STAMBPL1: variants seen among roughly 807,000 people sequenced by gnomAD.
STAMBPL1 encodes the protein STAM binding protein like 1.
In STAMBPL1, 44 loss-of-function variants were observed where a neutral mutation model predicts 52.9. The ratio of observed to expected loss-of-function variants is 0.83; its 90% confidence interval spans 0.65 to 1.07. The LOEUF (loss-of-function observed/expected upper bound fraction) is 1.07, where lower values mean the gene tolerates loss of function less well. STAMBPL1 is among the 50% of genes least tolerant of loss of function. The pLI is 0.00. For missense variants in STAMBPL1, 511 were observed against 520.8 expected (o/e 0.98, Z 0.18); for synonymous variants, 164 against 177.3 (o/e 0.92, Z 0.60).
At chr10:88,894,850 T>C (rs1438783680) in intron 1 of STAMBPL1, among the ~76,000 whole-genome samples, 1 of 152,222 alleles carries the variant, frequency 6.6e-6, no homozygotes, top group Non-Finnish European at 1.5e-5. Context: ...AATCTCATAA[T>C]ATTTTATGAT....
intron 3 of STAMBPL1, among the ~76,000 whole-genome samples, chr10:88,908,499 T>C (rs1266694172): frequency 6.6e-6 from 1 of 152,210 alleles, no homozygotes; most frequent in Non-Finnish European, 1.5e-5. Context: ...TTAGCTTTGG[T>C]GCTTAGTTGG....
At chr10:88,920,624 T>C (rs1247022637) in intron 8 of STAMBPL1, among the ~76,000 whole-genome samples, 1 of 152,220 alleles carries the variant, frequency 6.6e-6, no homozygotes, top group African/African-American at 2.4e-5. Context: ...AACACATTTG[T>C]ATATAGCCAG....
chr10:88,886,925 C>G (rs1475452122), intron 1 of STAMBPL1, among the ~76,000 whole-genome samples: 1 of 152,206 alleles, frequency 6.6e-6, no homozygotes, highest in African/African-American at 2.4e-5. Context: ...CCCTGTGATT[C>G]TATTTATCCT....
intron 1 of STAMBPL1, among the ~76,000 whole-genome samples, chr10:88,890,637 G>GGA (rs1231434410): frequency 1.3e-5 from 2 of 152,240 alleles, no homozygotes; most frequent in African/African-American, 4.8e-5. Context: ...TACCATCCAT[G>GGA]GAGATGAAAG....
In STAMBPL1 at chr10:88,922,348, T is replaced by C; in HGVS notation, c.1166T>C (p.Phe389Ser). Residue 389 changes from phenylalanine (F) to serine (S), a missense_variant, in exon 10 of 11, where the codon TTC (phenylalanine) becomes TCC (serine). Physicochemically the swap from Phe to Ser is radical, Grantham distance 155 (BLOSUM62 -2). Coordinates refer to ENST00000371926, the MANE Select transcript of STAMBPL1 (RefSeq NM_020799.4). ...GCTCTGAAATTTAGCACTGGCATCT[T>C]CAGGCTCACCAATGCTGGCATGCTT... is the stretch of plus-strand genomic sequence containing the variant. ...CSPKHKDTGI[F>S]RLTNAGMLEV... is the part of the protein sequence containing the mutation. 15 of 1,613,430 alleles carry C rather than the reference T, an allele frequency of 9.3e-6. No individual in the cohort carries two copies. Among genetic ancestry groups the C allele is most frequent in the Non-Finnish European group, 1.3e-5 (15 of 1,179,642 alleles).
intron 1 of STAMBPL1, among the ~76,000 whole-genome samples, chr10:88,884,876 AACTT>A (rs1844492028): frequency 6.6e-6 from 1 of 152,240 alleles, no homozygotes; most frequent in Non-Finnish European, 1.5e-5. Context: ...ACAAGTTACT[AACTT>A]CTGTGAGTCT....
rs139103435 is a variant in STAMBPL1, at chr10:88,913,307, C to G, written c.627C>G (p.Ser209Arg). 6.2e-7 allele frequency: 1 copy of G among 1,613,852 alleles called. No homozygotes were observed. Among genetic ancestry groups the G allele is most frequent in the Non-Finnish European group, 8.5e-7 (1 of 1,179,830 alleles). Residue 209 changes from serine to arginine, a missense_variant, in exon 6 of 11, where the codon AGC (serine) becomes AGG (arginine). Ser to Arg is a moderately radical substitution (Grantham distance 110). Coordinates refer to ENST00000371926, the MANE Select transcript of STAMBPL1 (RefSeq NM_020799.4). ...TSGLSEQIDGSALSCFSTHQN... is the reference protein window; with the variant it reads ...TSGLSEQIDGRALSCFSTHQN... Reference sequence around the variant, plus strand: ...GGCTGTCAGAGCAGATTGATGGGAGCGCTTTGTCCTGCTTTTCCACACACC... The same window carrying G: ...GGCTGTCAGAGCAGATTGATGGGAGGGCTTTGTCCTGCTTTTCCACACACC...
intron 1 of STAMBPL1, among the ~76,000 whole-genome samples, chr10:88,898,150 A>C (rs571769047): frequency 6.6e-6 from 1 of 152,252 alleles, no homozygotes; most frequent in South Asian, 2.1e-4. Flanking sequence ...ACTCTTAATT[A>C]CTAAGGACAC....
chr10:88,912,375 G>A (rs1224033664), intron 5 of STAMBPL1: 3 of 152,184 alleles, frequency 2.0e-5, no homozygotes, highest in Non-Finnish European at 4.4e-5. Flanking sequence ...GACCTAATAA[G>A]CCTGGATATT....
chr10:88,899,203 T>G (rs1185642198), intron 1 of STAMBPL1, among the ~76,000 whole-genome samples: 1 of 152,194 alleles, frequency 6.6e-6, no homozygotes, highest in East Asian at 1.9e-4. Context: ...GAGTCAGACC[T>G]TTGCCTGCAA....
chr10:88,921,302 C>T lies in STAMBPL1; in HGVS notation c.1061C>T (p.Ala354Val), dbSNP rs372446951. The T allele has an allele frequency of 2.3e-5, 37 of 1,613,062 alleles. No individual in the cohort carries two copies. The African/African-American group carries it at 4.7e-4, about 20-fold the overall frequency. Residue 354 changes from alanine (A) to valine (V), a missense_variant, in exon 9 of 11, where the codon GCA (alanine) becomes GTA (valine). This residue lies in a region of STAMBPL1 where 137 missense variants were observed against 139.9 expected (regional missense o/e 0.98). Transcript: ENST00000371926. ...TTATAGACACATCCCACTCAAACTG[C>T]ATTTTTATCCAGCGTTGATCTTCAC... ...GWIHTHPTQT[A>V]FLSSVDLHTH... is the part of the protein sequence containing the mutation.
intron 1 of STAMBPL1, among the ~76,000 whole-genome samples, chr10:88,896,235 A>G (rs1171743307): frequency 1.3e-5 from 2 of 152,224 alleles, no homozygotes; most frequent in Non-Finnish European, 2.9e-5. Flanking sequence ...ATAAGTGTAA[A>G]AACAAATCAA....
At chr10:88,886,007 C>CA (rs1004245260) in intron 1 of STAMBPL1, among the ~76,000 whole-genome samples, 4 of 151,920 alleles carry the variant, frequency 2.6e-5, no homozygotes, top group Admixed American at 2.6e-4. Flanking sequence ...TTGCCTCCAG[C>CA]AAAAAATCAT....
intron 1 of STAMBPL1, among the ~76,000 whole-genome samples, chr10:88,886,087 A>G (rs553365959): frequency 7.0e-4 from 107 of 152,340 alleles, no homozygotes; most frequent in Non-Finnish European, 9.4e-4. Flanking sequence ...AAAATAAACA[A>G]TTTTTTAAAG....
chr10:88,921,609 C>T (rs934801180), intron 9 of STAMBPL1, among the ~76,000 whole-genome samples: 2 of 152,126 alleles, frequency 1.3e-5, no homozygotes, highest in Non-Finnish European at 2.9e-5. Flanking sequence ...CTTCAGTTAG[C>T]GTGACTTTGA....
At position 88,899,829 on chromosome 10, in the gene STAMBPL1, G is replaced by A. The variant is rs7075596; in HGVS notation, c.-53-1827G>A. ...CTGGCCAATTCTACTCTTTTATAAG[G>A]CCCTAATAAATGACTTACTAGTGTT... is the stretch of plus-strand genomic sequence containing the variant. On this transcript the variant is annotated intron_variant, in intron 1 of 10. Transcript: ENST00000371926. 9.7e-3 allele frequency among the ~76,000 whole-genome samples: 1,471 copies of A among 152,216 alleles called. 15 individuals are homozygous for A. Among genetic ancestry groups the A allele is most frequent in the South Asian group, 0.042 (202 of 4,818 alleles).
chr10:88,922,448 A>G lies in STAMBPL1; in HGVS notation c.1254+12A>G. 2 of 1,611,352 alleles carry G rather than the reference A, an allele frequency of 1.2e-6. No homozygotes were observed. Among genetic ancestry groups the G allele is most frequent in the Non-Finnish European group, 1.7e-6 (2 of 1,178,460 alleles). On this transcript the variant is annotated intron_variant, in intron 10 of 10. Coordinates refer to ENST00000371926, the MANE Select transcript of STAMBPL1 (RefSeq NM_020799.4). ...CCAGGCTGTTCAGTGTGAGTACATC[A>G]TATTAGTTATTTTTCCAGGTATTTC...
At chr10:88,911,088 G>T in intron 5 of STAMBPL1, 77 bp downstream of exon 5, 1 of 964,794 alleles carries the variant, frequency 1.0e-6, no homozygotes, top group Non-Finnish European at 1.5e-6. Flanking sequence ...TATGTGATGA[G>T]TTTTTCAAAT....
In STAMBPL1 at chr10:88,901,636, G is replaced by T; in HGVS notation, c.-53-20G>T. ...GGTCTCAAAAAATAACTTTAGTTCT[G>T]CTTCTTGTTTTTGAAACAGATGAAG... On this transcript the variant is annotated intron_variant, in intron 1 of 10. Coordinates refer to ENST00000371926, the MANE Select transcript of STAMBPL1 (RefSeq NM_020799.4). 1 of 1,526,052 alleles carries T rather than the reference G, an allele frequency of 6.6e-7. No individual in the cohort carries two copies. The allele number at this position is 1,526,052 out of a possible 1,614,324, so 94.5% of individuals were successfully genotyped here. A position where few individuals can be genotyped will look rare whatever the true frequency, so the allele number is the denominator to read the frequency against.
Sources: allele counts gnomAD v4.1 joint callset (sites outside exome capture counted in the v4.1 genomes callset), GRCh38; gene constraint gnomAD v4.1.1; regional missense constraint gnomAD v4.1.1; transcripts MANE v1.5; gene names NCBI Gene and HGNC (gene_info 2026-07-23, HGNC 2026-07-21).